Variants in ST6GAL1 observed in about 807,000 individuals in gnomAD.
The protein encoded by ST6GAL1 is beta-galactoside alpha-2,6-sialyltransferase 1.
A neutral mutation model predicts 38.0 loss-of-function variants in ST6GAL1; 20 were observed. That is an observed-to-expected ratio of 0.53 (90% CI 0.37 to 0.77). The LOEUF is 0.77. Ranked by LOEUF, ST6GAL1 falls within the 30% of genes least tolerant of loss-of-function variation. ST6GAL1 has a pLI of 0.00. For synonymous variants in ST6GAL1, 196 were observed against 188.2 expected, an observed-to-expected ratio of 1.04 and a Z score of -0.34; for missense variants, 432 against 496.4, an observed-to-expected ratio of 0.87 and a Z score of 1.23.
At chr3:186,969,351 C>T (rs1015275858) in intron 2 of ST6GAL1, among the ~76,000 whole-genome samples, 1 of 152,168 alleles carries the variant, frequency 6.6e-6, no homozygotes, top group Non-Finnish European at 1.5e-5. Context: ...CAGCGCGCAG[C>T]CCATCTTTTT....
At chr3:186,938,323 C>T (rs1211444681) in intron 1 of ST6GAL1, among the ~76,000 whole-genome samples, 1 of 152,176 alleles carries the variant, frequency 6.6e-6, no homozygotes, top group East Asian at 1.9e-4. Flanking sequence ...CACTATGTAT[C>T]GCCTATGTAG....
intron 5 of ST6GAL1, chr3:187,072,512 C>T (rs1719419020): frequency 2.9e-6 from 1 of 347,776 alleles, no homozygotes; most frequent in South Asian, 2.4e-5. Flanking sequence ...TGACTTCAGA[C>T]TCCACTCTTG....
chr3:187,063,418 T>G (rs1560182071), intron 5 of ST6GAL1, among the ~76,000 whole-genome samples: 1 of 152,200 alleles, frequency 6.6e-6, no homozygotes, highest in East Asian at 1.9e-4. Context: ...AACAAAGAGA[T>G]TTATAATTGT....
At chr3:186,978,981 A>G (rs914189353) in intron 2 of ST6GAL1, among the ~76,000 whole-genome samples, 3 of 151,862 alleles carry the variant, frequency 2.0e-5, no homozygotes, top group African/African-American at 7.3e-5. Flanking sequence ...GACTTCCTCT[A>G]GTAGAGTTGG....
At chr3:187,022,359 G>T (rs189412247) in intron 2 of ST6GAL1, among the ~76,000 whole-genome samples, 2 of 152,144 alleles carry the variant, frequency 1.3e-5, no homozygotes, top group Non-Finnish European at 2.9e-5. Flanking sequence ...CAGGGACTTG[G>T]GGGGTAGAGG....
chr3:186,947,150 T>C (rs921058816), intron 1 of ST6GAL1, among the ~76,000 whole-genome samples: 2 of 152,066 alleles, frequency 1.3e-5, no homozygotes, highest in Non-Finnish European at 2.9e-5. Flanking sequence ...CTGCTGTTAA[T>C]ACAGTGTGCA....
intron 2 of ST6GAL1, among the ~76,000 whole-genome samples, chr3:187,025,271 A>AG (rs1400224655): frequency 6.6e-6 from 1 of 152,102 alleles, no homozygotes; most frequent in Non-Finnish European, 1.5e-5. Context: ...TCCAAGAAAA[A>AG]TCGAAGCAGT....
chr3:187,053,842 A>G (rs967363488), intron 5 of ST6GAL1, among the ~76,000 whole-genome samples: 1 of 152,196 alleles, frequency 6.6e-6, no homozygotes, highest in Non-Finnish European at 1.5e-5. Flanking sequence ...GAAGAATGTC[A>G]TTGGTAGCTT....
chr3:186,964,230 A>G (rs1715021200), intron 2 of ST6GAL1: 1 of 152,172 alleles, frequency 6.6e-6, no homozygotes. Flanking sequence ...ATTCAGGTGA[A>G]TGCTTAAGTA....
chr3:186,976,693 G>T (rs918319858), intron 2 of ST6GAL1, among the ~76,000 whole-genome samples: 1 of 152,198 alleles, frequency 6.6e-6, no homozygotes, highest in African/African-American at 2.4e-5. Flanking sequence ...GCTTCCCAAA[G>T]TGCTGAGATT....
At position 186,930,756 on chromosome 3, in the gene ST6GAL1, G is replaced by C. The variant is rs943667442; in HGVS notation, c.-403G>C. On this transcript the variant is annotated 5_prime_UTR_variant, in exon 1 of 8. Coordinates refer to ENST00000169298, the MANE Select transcript of ST6GAL1 (RefSeq NM_173216.2). The stretch of plus-strand genomic sequence containing the variant: ...GGCGTTAACAAAGGGAGCCGATACC[G>C]ACCGGCGTGGGCGCGGAGCGGGCGG... The C allele has an allele frequency of 6.6e-6, 1 of 152,522 alleles. No homozygotes were observed. Among genetic ancestry groups the C allele is most frequent in the South Asian group, 2.1e-4 (1 of 4,838 alleles). 9.4% of individuals were successfully genotyped at this position (152,522 alleles called of 1,614,324 possible).
At chr3:186,985,648 G>A (rs573725476) in intron 2 of ST6GAL1, among the ~76,000 whole-genome samples, 1 of 151,582 alleles carries the variant, frequency 6.6e-6, no homozygotes, top group South Asian at 2.1e-4. Flanking sequence ...GGTGGAGCAT[G>A]CCTATAGTCC....
At chr3:187,043,764 G>A (rs1718208356) in intron 4 of ST6GAL1, 1 of 152,702 alleles carries the variant, frequency 6.5e-6, no homozygotes, top group Non-Finnish European at 1.5e-5. Flanking sequence ...ATAATCAAAA[G>A]CCTACAATTG....
rs35693392 is a variant in ST6GAL1 at position 186,999,413 on chromosome 3, C to CTT, written c.-183+35502_-183+35503dup. The stretch of plus-strand genomic sequence containing the variant: ...CCTTGAAGGAAGACTACTATAATCT[C>CTT]TTTTTTTTTTTTTTTTGAGACGGAG... On this transcript the variant is annotated intron_variant, in intron 2 of 7. Transcript: ENST00000169298. Among the ~76,000 whole-genome samples, 370 of 138,330 alleles carry CTT rather than the reference C, an allele frequency of 2.7e-3. 3 individuals are homozygous for CTT. The highest frequency in any genetic ancestry group is 0.023 in the Middle Eastern group (6 of 256). The allele number at this position is 138,330 out of a possible 152,430, so 90.7% of individuals were successfully genotyped here. A position where few individuals can be genotyped will look rare whatever the true frequency, so the allele number is the denominator to read the frequency against.
At chr3:186,974,898 T>A (rs958756352) in intron 2 of ST6GAL1, 2 of 152,206 alleles carry the variant, frequency 1.3e-5, no homozygotes, top group African/African-American at 4.8e-5. Context: ...TTCTACCCTG[T>A]AACTCTTATT....
intron 2 of ST6GAL1, among the ~76,000 whole-genome samples, chr3:186,980,919 G>A (rs1000871417): frequency 6.6e-5 from 10 of 152,278 alleles, no homozygotes; most frequent in Middle Eastern, 3.4e-3. Flanking sequence ...GTGCCATCAC[G>A]TGTTGGGTGT....
chr3:187,025,273 C>T (rs1034107681), intron 2 of ST6GAL1, among the ~76,000 whole-genome samples: 44 of 152,000 alleles, frequency 2.9e-4, no homozygotes, highest in African/African-American at 1.0e-3. Flanking sequence ...CAAGAAAAAT[C>T]GAAGCAGTGT....
chr3:187,076,529 T>G lies in ST6GAL1; in HGVS notation c.*726T>G. 7.0e-6 allele frequency: 2 copies of G among 285,946 alleles called. No individual in the cohort carries two copies. Among genetic ancestry groups the G allele is most frequent in the Non-Finnish European group, 1.3e-5 (2 of 155,962 alleles). The allele number at this position is 285,946 out of a possible 1,614,324, so 17.7% of individuals were successfully genotyped here. A position where few individuals can be genotyped will look rare whatever the true frequency, so the allele number is the denominator to read the frequency against. On this transcript the variant is annotated 3_prime_UTR_variant, in exon 8 of 8. Transcript: ENST00000169298. ...CAGACATCTGAACAGGCAGGTAGGA[T>G]TCAGTGTGCTCAGTGCACTGGGGAT...
intron 2 of ST6GAL1, among the ~76,000 whole-genome samples, chr3:187,002,464 G>C (rs1485120138): frequency 1.3e-5 from 2 of 152,226 alleles, no homozygotes; most frequent in Non-Finnish European, 2.9e-5. Flanking sequence ...CTCAGGAAAA[G>C]TCAATGTAGT....
Sources: gnomAD v4.1 joint callset for allele counts (sites outside exome capture counted in the v4.1 genomes callset) on GRCh38, gnomAD v4.1.1 for gene constraint, MANE v1.5 for transcripts, NCBI Gene and HGNC (gene_info 2026-07-23, HGNC 2026-07-21) for gene names.